The following RABGAP1L variants were observed in gnomAD, a reference collection of about 807,000 sequenced individuals.
RABGAP1L encodes the protein RAB GTPase activating protein 1 like.
RABGAP1L carries 63 observed loss-of-function variants against 137.7 expected under a neutral mutation model. That is an observed-to-expected ratio of 0.46 (90% confidence interval 0.37 to 0.56). The LOEUF is 0.56. Among genes scored for constraint, RABGAP1L ranks in the 20% least tolerant of loss-of-function variants. The probability of loss-of-function intolerance (pLI) is 0.00; values close to 1 mark genes in which losing one functional copy is unlikely to be tolerated. For missense variants in RABGAP1L, 1,095 were observed against 1,244.0 expected (o/e 0.88, Z 1.80); for synonymous variants, 431 against 433.7 (o/e 0.99, Z 0.08).
intron 13 of RABGAP1L, among the ~76,000 whole-genome samples, chr1:174,445,896 G>T (rs1389181313): frequency 6.6e-6 from 1 of 152,122 alleles, no homozygotes; most frequent in Non-Finnish European, 1.5e-5. Context: ...ATATTATAAA[G>T]ATCGGTCAGT....
chr1:174,685,848 G>A (rs896630025), intron 15 of RABGAP1L, among the ~76,000 whole-genome samples: 2 of 152,118 alleles, frequency 1.3e-5, no homozygotes, highest in Non-Finnish European at 2.9e-5. Context: ...GGCAGGAGCC[G>A]CTGTGCCCGT....
chr1:174,684,848 G>A (rs1374991502), intron 15 of RABGAP1L, among the ~76,000 whole-genome samples: 3 of 152,136 alleles, frequency 2.0e-5, no homozygotes, highest in Non-Finnish European at 4.4e-5. Flanking sequence ...GTGTTGGTGA[G>A]CACCTGTAGT....
At chr1:174,253,848 A>C (rs1005770021) in intron 7 of RABGAP1L, among the ~76,000 whole-genome samples, 1 of 152,330 alleles carries the variant, frequency 6.6e-6, no homozygotes, top group South Asian at 2.1e-4. Context: ...TTCAAGGAGC[A>C]AGGGAAGTTG....
At chr1:174,793,313 G>A (rs965229638) in intron 18 of RABGAP1L, among the ~76,000 whole-genome samples, 2 of 152,094 alleles carry the variant, frequency 1.3e-5, no homozygotes, top group Non-Finnish European at 2.9e-5. Flanking sequence ...AATTGCTTTT[G>A]GTAGGGGAAA....
At chr1:174,724,798 A>G (rs1681855846) in intron 17 of RABGAP1L, among the ~76,000 whole-genome samples, 1 of 152,218 alleles carries the variant, frequency 6.6e-6, no homozygotes, top group Non-Finnish European at 1.5e-5. Flanking sequence ...AAGTTACTTC[A>G]AGATTTGGTA....
intron 18 of RABGAP1L, among the ~76,000 whole-genome samples, chr1:174,797,448 A>AGT (rs1480128518): frequency 2.0e-5 from 3 of 149,666 alleles, no homozygotes; most frequent in Non-Finnish European, 3.0e-5. Context: ...AGCTGAGGGG[A>AGT]GTGTGTGTGT....
chr1:174,912,509 T>C (rs1660209622), intron 19 of RABGAP1L, among the ~76,000 whole-genome samples: 1 of 152,208 alleles, frequency 6.6e-6, no homozygotes. Flanking sequence ...GTCTTATGAC[T>C]TAAAAAGCAA....
chr1:174,769,744 T>C (rs1685967406), intron 18 of RABGAP1L, among the ~76,000 whole-genome samples: 1 of 152,020 alleles, frequency 6.6e-6, no homozygotes, highest in Non-Finnish European at 1.5e-5. Context: ...TCCCAGCGAC[T>C]CCAGAGGCTG....
At chr1:174,546,068 C>CT (rs1416606764) in intron 13 of RABGAP1L, among the ~76,000 whole-genome samples, 9 of 151,958 alleles carry the variant, frequency 5.9e-5, no homozygotes, top group Admixed American at 5.9e-4. Flanking sequence ...GAAAATAAGG[C>CT]TTTTTTAGAT....
chr1:174,209,988 G>A (rs80307912), intron 1 of RABGAP1L, among the ~76,000 whole-genome samples: 1,543 of 152,312 alleles, frequency 0.01, 25 homozygotes, highest in African/African-American at 0.035. Flanking sequence ...GATCTCTTAC[G>A]CAAGACCGTC....
chr1:174,363,792 A>G (rs1684342239), intron 11 of RABGAP1L, among the ~76,000 whole-genome samples: 1 of 151,250 alleles, frequency 6.6e-6, no homozygotes, highest in Non-Finnish European at 1.5e-5. Flanking sequence ...TTTCAGCATT[A>G]ATTGAAATGC....
intron 19 of RABGAP1L, among the ~76,000 whole-genome samples, chr1:174,946,046 T>C (rs1666698253): frequency 6.6e-6 from 1 of 152,168 alleles, no homozygotes; most frequent in South Asian, 2.1e-4. Context: ...CTTTTTTTTT[T>C]TTCCTAGCTT....
Position 174,191,919 on chromosome 1 carries a change from G to A in RABGAP1L, c.-33-27206G>A, listed in dbSNP as rs143194969. Reference sequence around the variant, plus strand: ...CATCTACATTAATCAGTGGAAAGATGGGCCAGACTAAAAATTGGAATTAGA... The same window carrying A: ...CATCTACATTAATCAGTGGAAAGATAGGCCAGACTAAAAATTGGAATTAGA... On this transcript the variant is annotated intron_variant, in intron 1 of 25. Transcript: ENST00000681986. 1.1e-3 allele frequency among the ~76,000 whole-genome samples: 172 copies of A among 152,240 alleles called. 1 individual carries two copies. The highest frequency in any genetic ancestry group is 4.1e-3 in the African/African-American group (169 of 41,546).
chr1:174,281,494 C>A (rs1311097395), intron 10 of RABGAP1L, among the ~76,000 whole-genome samples: 1 of 152,188 alleles, frequency 6.6e-6, no homozygotes, highest in Non-Finnish European at 1.5e-5. Context: ...TTTAGCTGGA[C>A]AGAAAAGTTC....
At chr1:174,367,555 A>AT (rs1043668518) in intron 11 of RABGAP1L, 55 of 239,810 alleles carry the variant, frequency 2.3e-4, no homozygotes, top group African/African-American at 1.2e-3. Flanking sequence ...ACATAATGTT[A>AT]TTTTTTCTGT....
chr1:174,598,205 GTA>G (rs1670120038), intron 13 of RABGAP1L, among the ~76,000 whole-genome samples: 1 of 151,838 alleles, frequency 6.6e-6, no homozygotes, highest in Non-Finnish European at 1.5e-5. Flanking sequence ...GTGCATGCCT[GTA>G]GTCCCAGCTA....
At chr1:174,615,210 T>C (rs1056952058) in intron 13 of RABGAP1L, among the ~76,000 whole-genome samples, 1 of 152,244 alleles carries the variant, frequency 6.6e-6, no homozygotes, top group African/African-American at 2.4e-5. Context: ...TTTGTGGTTT[T>C]ATCTACTTTT....
chr1:174,653,773 T>C (rs1675752274), intron 14 of RABGAP1L, among the ~76,000 whole-genome samples: 1 of 152,248 alleles, frequency 6.6e-6, no homozygotes, highest in Non-Finnish European at 1.5e-5. Context: ...ATTTAAATGT[T>C]TTCTGCATTG....
At chr1:174,294,070 T>C (rs1676876103) in intron 10 of RABGAP1L, among the ~76,000 whole-genome samples, 1 of 152,168 alleles carries the variant, frequency 6.6e-6, no homozygotes, top group Admixed American at 6.5e-5. Context: ...ATTAGTAGTC[T>C]CTGAAATGGG....
Sources: allele counts gnomAD v4.1 joint callset (sites outside exome capture counted in the v4.1 genomes callset), GRCh38; gene constraint gnomAD v4.1.1; transcripts MANE v1.5; gene names NCBI Gene and HGNC (gene_info 2026-07-23, HGNC 2026-07-21).